The following ILDR2 variants were observed in gnomAD, a reference collection of about 807,000 sequenced individuals.
ILDR2 encodes immunoglobulin-like domain-containing receptor 2.
ILDR2 carries 25 observed loss-of-function variants against 66.8 expected under a neutral mutation model. The observed-to-expected ratio is 0.37, with a 90% CI of 0.27 to 0.52. The LOEUF is 0.52. Among genes scored for constraint, ILDR2 ranks in the 20% least tolerant of loss-of-function variants. The pLI, the probability that ILDR2 is intolerant of heterozygous loss-of-function variation, is 0.88. For missense variants in ILDR2, 827 were observed against 876.8 expected (o/e 0.94, Z 0.72); for synonymous variants, 367 against 357.2 (o/e 1.03, Z -0.31).
At chr1:166,937,285 C>G (rs1006098768) in intron 4 of ILDR2, among the ~76,000 whole-genome samples, 1 of 152,182 alleles carries the variant, frequency 6.6e-6, no homozygotes, top group Non-Finnish European at 1.5e-5. Context: ...CACCTGCTTT[C>G]CCTGCTGACT....
chr1:166,966,525 C>A (rs1476680173), intron 1 of ILDR2, among the ~76,000 whole-genome samples: 2 of 152,292 alleles, frequency 1.3e-5, no homozygotes, highest in Middle Eastern at 3.4e-3. Flanking sequence ...TTATTTGCTG[C>A]CAATAACTCT....
Position 166,913,942 on chromosome 1 carries a change from C to G in ILDR2, c.*5413G>C, listed in dbSNP as rs1180055302. ...GACAAGCCTGGGAAATATAGCAAGA[C>G]CCCATCTCTACAAACAAACAAAATT... is the stretch of plus-strand genomic sequence containing the variant. On this transcript the variant is annotated 3_prime_UTR_variant, in exon 10 of 10. Transcript: ENST00000271417. 6.6e-6 allele frequency: 1 copy of G among 152,034 alleles called. No homozygotes were observed. The highest frequency in any genetic ancestry group is 1.5e-5 in the Non-Finnish European group (1 of 68,052). The allele number at this position is 152,034 out of a possible 1,614,324, so 9.4% of individuals were successfully genotyped here. A position where few individuals can be genotyped will look rare whatever the true frequency, so the allele number is the denominator to read the frequency against.
chr1:166,896,635 C>CT (rs71753303), intron 2 of ILDR2, among the ~76,000 whole-genome samples: 6,795 of 131,514 alleles, frequency 0.052, 256 homozygotes, highest in African/African-American at 0.1. Flanking sequence ...ACTTCATCTA[C>CT]TTTTTTTTTT....
chr1:166,919,447 C>T (rs781345195), intron 9 of ILDR2, 57 bp from the exon 10 acceptor site: 134 of 1,518,982 alleles, frequency 8.8e-5, no homozygotes, highest in African/African-American at 4.3e-4. Context: ...AAGAAAACAA[C>T]GAATAACAGA....
At chr1:166,941,719 A>G (rs770781692) in intron 3 of ILDR2, among the ~76,000 whole-genome samples, 1 of 152,150 alleles carries the variant, frequency 6.6e-6, no homozygotes, top group Non-Finnish European at 1.5e-5. Flanking sequence ...ATCTTGGTGT[A>G]TCTTGTAAAA....
rs150793503 is a variant in ILDR2, at chr1:166,899,630, C to G, written n.172-3529G>C. ...CTCAAGAACTTGTTCATAGAAAAAGCTGGATTTCAGAAAATCAAATATTTC... is the reference window on the plus strand; with the variant it reads ...CTCAAGAACTTGTTCATAGAAAAAGGTGGATTTCAGAAAATCAAATATTTC... On this transcript the variant is annotated intron_variant and non_coding_transcript_variant, in intron 2 of 2. Coordinates refer to the ILDR2 transcript ENST00000414590. Among the ~76,000 whole-genome samples the G allele has an allele frequency of 1.9e-3, 283 of 152,278 alleles. 2 individuals are homozygous for G. Among genetic ancestry groups the G allele is most frequent in the Admixed American group, 4.4e-3 (67 of 15,296 alleles).
At chr1:166,901,186 A>G (rs1659258758) in intron 2 of ILDR2, among the ~76,000 whole-genome samples, 1 of 152,222 alleles carries the variant, frequency 6.6e-6, no homozygotes, top group African/African-American at 2.4e-5. Flanking sequence ...CTAATTGAGC[A>G]TGCCTCAAAT....
At position 166,914,455 on chromosome 1, in the gene ILDR2, A is replaced by G. The variant is rs1176790016; in HGVS notation, c.*4900T>C. ...TTTGACTACAGACAAGTCACTTAGTATTTTTCAACCTCAGTTTTACATTCT... is the reference window on the plus strand; with the variant it reads ...TTTGACTACAGACAAGTCACTTAGTGTTTTTCAACCTCAGTTTTACATTCT... On this transcript the variant is annotated 3_prime_UTR_variant, in exon 10 of 10. Coordinates refer to ENST00000271417, the MANE Select transcript of ILDR2 (RefSeq NM_199351.3). The G allele has an allele frequency of 6.6e-6, 1 of 152,202 alleles. No homozygotes were observed. The highest frequency in any genetic ancestry group is 1.9e-4 in the East Asian group (1 of 5,202). The allele number at this position is 152,202 out of a possible 1,614,324, so 9.4% of individuals were successfully genotyped here. A position where few individuals can be genotyped will look rare whatever the true frequency, so the allele number is the denominator to read the frequency against.
At chr1:166,924,410 A>T (rs934324061) in intron 7 of ILDR2, among the ~76,000 whole-genome samples, 5 of 152,052 alleles carry the variant, frequency 3.3e-5, no homozygotes, top group Non-Finnish European at 5.9e-5. Flanking sequence ...TTTTTTATTT[A>T]TCTAGATAAT....
intron 3 of ILDR2, among the ~76,000 whole-genome samples, chr1:166,943,057 T>C (rs979089590): frequency 2.6e-5 from 4 of 152,192 alleles, no homozygotes; most frequent in African/African-American, 9.6e-5. Flanking sequence ...TGCACCTGTG[T>C]AGTGTTAGCC....
At chr1:166,943,060 T>C (rs1661402053) in intron 3 of ILDR2, among the ~76,000 whole-genome samples, 1 of 152,184 alleles carries the variant, frequency 6.6e-6, no homozygotes, top group Non-Finnish European at 1.5e-5. Flanking sequence ...ACCTGTGTAG[T>C]GTTAGCCACA....
At chr1:166,929,214 TAAAGATGAGAGG>T in intron 6 of ILDR2, among the ~76,000 whole-genome samples, 1 of 152,198 alleles carries the variant, frequency 6.6e-6, no homozygotes, top group African/African-American at 2.4e-5. Flanking sequence ...AATAATCTCT[TAAAGATGAGAGG>T]ACAACTAAGA....
chr1:166,895,956 TCTC>T (rs1431307299), exon 3 of ILDR2: 5 of 152,220 alleles, frequency 3.3e-5, no homozygotes, highest in South Asian at 2.1e-4. Context: ...ACTCCATTCT[TCTC>T]GATGTTCCTA....
intron 1 of ILDR2, among the ~76,000 whole-genome samples, chr1:166,972,343 T>G (rs763499319): frequency 5.3e-5 from 8 of 152,158 alleles, no homozygotes; most frequent in Non-Finnish European, 1.2e-4. Context: ...TCGACACAGC[T>G]CCAGCGTTTC....
intron 4 of ILDR2, 28 bp downstream of exon 4, chr1:166,939,486 G>A (rs1661185870): frequency 6.3e-7 from 1 of 1,593,606 alleles, no homozygotes; most frequent in Non-Finnish European, 8.6e-7. Context: ...AGCAAATCAA[G>A]CAAATAAAGA....
rs756416607 is a variant in ILDR2 at position 166,921,432 on chromosome 1, G to A, written c.1212-53C>T. The A allele has an allele frequency of 1.4e-6, 2 of 1,447,568 alleles. No individual in the cohort carries two copies. The highest frequency in any genetic ancestry group is 1.8e-6 in the Non-Finnish European group (2 of 1,081,164). 89.7% of individuals were successfully genotyped at this position (1,447,568 alleles called of 1,614,324 possible). A position where few individuals can be genotyped will look rare whatever the true frequency, so the allele number is the denominator to read the frequency against. On this transcript the variant is annotated intron_variant, in intron 8 of 9. Coordinates refer to ENST00000271417, the MANE Select transcript of ILDR2 (RefSeq NM_199351.3). This position sits in a 1 kb window ranked among gnomAD's most constrained non-coding sequence, Gnocchi z 5.3. ...CGGCCGGTCCCTCCCTGGAGCTCCA[G>A]GTAGGGCTCCCAAGAGCACCCATCG...
At chr1:166,902,022 G>A (rs1411529953) in intron 2 of ILDR2, among the ~76,000 whole-genome samples, 6 of 152,122 alleles carry the variant, frequency 3.9e-5, no homozygotes, top group Admixed American at 6.5e-5. Context: ...CAGCATGCCC[G>A]GCTAATTTTT....
Position 166,920,945 on chromosome 1 carries a change from T to G in ILDR2, c.1646A>C (p.Glu549Ala). ...PEGASRGGSL[E>A]TPSKRSAQLG... ...CTGCGCGCTCCGCTTGGATGGCGTC[T>G]CCAGGCTGCCACCGCGGCTGGCGCC... Residue 549 changes from glutamate to alanine, a missense_variant, in exon 9 of 10, where the codon GAG becomes GCG. By Grantham distance (107) the Glu-to-Ala change is moderately radical. Transcript: ENST00000271417. The G allele has an allele frequency of 6.7e-7, 1 of 1,484,448 alleles. No individual in the cohort carries two copies. Among genetic ancestry groups the G allele is most frequent in the East Asian group, 2.8e-5 (1 of 35,770 alleles). The allele number at this position is 1,484,448 out of a possible 1,614,324, so 92.0% of individuals were successfully genotyped here.
rs1278176537 is a variant in ILDR2, at chr1:166,912,128, G to C, written c.*7227C>G. ...GACAAAAAAATCTTTAGAACAGTCA[G>C]AGAGACCAGACAGATTAGGAAGGAT... On this transcript the variant is annotated 3_prime_UTR_variant, in exon 10 of 10. Coordinates refer to ENST00000271417, the MANE Select transcript of ILDR2 (RefSeq NM_199351.3). The C allele has an allele frequency of 1.3e-5, 2 of 152,172 alleles. No individual in the cohort carries two copies. Among genetic ancestry groups the C allele is most frequent in the Admixed American group, 6.5e-5 (1 of 15,278 alleles). The allele number at this position is 152,172 out of a possible 1,614,324, so 9.4% of individuals were successfully genotyped here.
Sources: allele counts gnomAD v4.1 joint callset (sites outside exome capture counted in the v4.1 genomes callset), GRCh38; gene constraint gnomAD v4.1.1; non-coding constraint Gnocchi (gnomAD v3.1); transcripts MANE v1.5; gene names NCBI Gene and HGNC (gene_info 2026-07-23, HGNC 2026-07-21).